The following TVP23C variants were observed in gnomAD, a reference collection of about 807,000 sequenced individuals.
TVP23C encodes Golgi apparatus membrane protein TVP23 homolog C.
In TVP23C, 19 loss-of-function variants were observed where a neutral mutation model predicts 28.7. The observed-to-expected ratio is 0.66, with a 90% CI of 0.46 to 0.97. The LOEUF (loss-of-function observed/expected upper bound fraction) is 0.97. TVP23C is among the 50% of genes least tolerant of loss of function. The pLI is 0.00. For missense variants in TVP23C, 186 were observed against 241.3 expected (o/e 0.77, Z 1.52); for synonymous variants, 68 against 81.7 (o/e 0.83, Z 0.90).
chr17:15,556,574 G>A (rs1016321018), intron 1 of TVP23C, among the ~76,000 whole-genome samples: 2 of 151,930 alleles, frequency 1.3e-5, no homozygotes, highest in Non-Finnish European at 2.9e-5. Context: ...GTGTTAACCA[G>A]GAGATTTCAT....
At chr17:15,512,454 A>AC (rs1982039721) in intron 5 of TVP23C, among the ~76,000 whole-genome samples, 1 of 152,186 alleles carries the variant, frequency 6.6e-6, no homozygotes, top group Non-Finnish European at 1.5e-5. Flanking sequence ...GGACAAGTCT[A>AC]CAGGGGGAAT....
chr17:15,556,141 T>TCCTGACCTCAGGTGATCTGTCCG (rs1273699507), intron 1 of TVP23C, among the ~76,000 whole-genome samples: 2 of 152,152 alleles, frequency 1.3e-5, no homozygotes, highest in East Asian at 3.9e-4. Context: ...GGTCTTGAAC[T>TCCTGACCTCAGGTGATCTGTCCG]CCTGACCTCA....
chr17:15,523,985 G>A (rs1271264795), intron 5 of TVP23C, among the ~76,000 whole-genome samples: 3 of 151,756 alleles, frequency 2.0e-5, no homozygotes, highest in South Asian at 2.1e-4. Flanking sequence ...TGTCCTATAC[G>A]CACTACAAAA....
intron 5 of TVP23C, among the ~76,000 whole-genome samples, chr17:15,505,844 G>A (rs191747231): frequency 1.3e-3 from 204 of 152,352 alleles, no homozygotes; most frequent in African/African-American, 3.7e-3. Context: ...CAGCGGCTGC[G>A]TACGGTGTAC....
intron 5 of TVP23C, among the ~76,000 whole-genome samples, chr17:15,515,933 G>A (rs753444493): frequency 1.1e-4 from 17 of 152,244 alleles, no homozygotes; most frequent in Non-Finnish European, 2.5e-4. Context: ...CCCTAGTGCT[G>A]TTCTCCTGAT....
chr17:15,545,061 C>T (rs898277509), intron 5 of TVP23C, among the ~76,000 whole-genome samples: 89 of 152,158 alleles, frequency 5.8e-4, no homozygotes, highest in Non-Finnish European at 9.8e-4. Flanking sequence ...TTTCCAAAGA[C>T]AGCAGCAACA....
chr17:15,502,663 C>A (rs1981499085), exon 6 of TVP23C: 8 of 914,606 alleles, frequency 8.7e-6, no homozygotes, highest in Non-Finnish European at 1.2e-5. Context: ...TGCCTCTCTT[C>A]TGCCCTTTTC....
At chr17:15,522,695 G>T (rs1056687785) in intron 5 of TVP23C, among the ~76,000 whole-genome samples, 1 of 152,126 alleles carries the variant, frequency 6.6e-6, no homozygotes, top group African/African-American at 2.4e-5. Flanking sequence ...ATTGAAAAGA[G>T]AAGTCATAAA....
exon 6 of TVP23C, chr17:15,503,087 T>G: frequency 1.2e-6 from 2 of 1,614,126 alleles, no homozygotes; most frequent in Non-Finnish European, 1.7e-6. Flanking sequence ...CGTGAAAGAA[T>G]TAATGTCTAC....
chr17:15,553,956 T>C (rs1301386390), intron 2 of TVP23C, 127 bp from the exon 3 acceptor site: 31 of 1,533,670 alleles, frequency 2.0e-5, no homozygotes, highest in Non-Finnish European at 2.4e-5. Context: ...GAGGTGACTT[T>C]AGTAGGAGGA....
At chr17:15,517,642 T>C (rs1404181760) in intron 5 of TVP23C, among the ~76,000 whole-genome samples, 2 of 152,180 alleles carry the variant, frequency 1.3e-5, no homozygotes, top group Non-Finnish European at 2.9e-5. Flanking sequence ...TTTATATCCA[T>C]CACTTGCTTG....
intron 5 of TVP23C, among the ~76,000 whole-genome samples, chr17:15,509,065 A>C (rs1191397176): frequency 1.3e-5 from 2 of 152,260 alleles, no homozygotes; most frequent in East Asian, 1.9e-4. Context: ...GCAGTTACTG[A>C]GGATGCATGA....
chr17:15,526,516 T>C (rs879773282), intron 5 of TVP23C, among the ~76,000 whole-genome samples: 6 of 152,204 alleles, frequency 3.9e-5, no homozygotes, highest in Non-Finnish European at 7.3e-5. Context: ...CTCTGGTACA[T>C]TGTGGGTATT....
intron 5 of TVP23C, among the ~76,000 whole-genome samples, chr17:15,541,617 T>C (rs1983413632): frequency 1.3e-5 from 2 of 152,122 alleles, no homozygotes; most frequent in South Asian, 4.2e-4. Context: ...TAACAAGATG[T>C]ATAGCTGATT....
chr17:15,515,488 G>T (rs1982186273), intron 5 of TVP23C, among the ~76,000 whole-genome samples: 1 of 152,212 alleles, frequency 6.6e-6, no homozygotes, highest in Non-Finnish European at 1.5e-5. Context: ...TACAGGCCCA[G>T]TTGGGAGCCT....
chr17:15,553,887 A>G, intron 2 of TVP23C, 58 bp from the exon 3 acceptor site: 4 of 1,604,968 alleles, frequency 2.5e-6, no homozygotes, highest in Non-Finnish European at 3.4e-6. Flanking sequence ...GGTACTAGCA[A>G]ATGTAGAGAA....
rs1983243145 is a variant in TVP23C at position 15,538,266 on chromosome 17, C to T, written c.*2146G>A. ...TCTATATTTCTAAGCAGAGCATTAC[C>T]TTACATACAATGGCCCAATCACATT... On this transcript the variant is annotated 3_prime_UTR_variant, in exon 6 of 6. Coordinates refer to ENST00000518321, the MANE Select transcript of TVP23C (RefSeq NM_001135036.2). The T allele has an allele frequency of 2.6e-6, 4 of 1,545,142 alleles. No homozygotes were observed. Among genetic ancestry groups the T allele is most frequent in the Non-Finnish European group, 2.6e-6 (3 of 1,147,874 alleles).
intron 5 of TVP23C, among the ~76,000 whole-genome samples, chr17:15,529,843 C>T (rs546750462): frequency 1.1e-4 from 16 of 152,122 alleles, no homozygotes; most frequent in African/African-American, 3.4e-4. Context: ...CTGTCACCCA[C>T]GCTGGAGTCC....
intron 3 of TVP23C, among the ~76,000 whole-genome samples, chr17:15,553,050 G>A (rs921840813): frequency 1.8e-4 from 27 of 150,276 alleles, no homozygotes; most frequent in Non-Finnish European, 3.1e-4. Context: ...TGACATTTTG[G>A]GTCAGGTAGT....
Sources: gnomAD v4.1 joint callset for allele counts (sites outside exome capture counted in the v4.1 genomes callset) on GRCh38, gnomAD v4.1.1 for gene constraint, MANE v1.5 for transcripts, NCBI Gene and HGNC (gene_info 2026-07-23, HGNC 2026-07-21) for gene names.